LRRTM3: variants seen among roughly 807,000 people sequenced by gnomAD.
The protein encoded by LRRTM3 is leucine rich repeat transmembrane neuronal 3.
LRRTM3 carries 24 observed loss-of-function variants against 44.7 expected under a neutral mutation model. The ratio of observed to expected loss-of-function variants is 0.54; its 90% CI spans 0.39 to 0.76. The LOEUF is 0.76. Among genes scored for constraint, LRRTM3 ranks in the 30% least tolerant of loss-of-function variants. LRRTM3 has a pLI of 0.00. For synonymous variants in LRRTM3, 277 were observed against 278.7 expected (o/e 0.99, Z 0.06); for missense variants, 587 against 702.2 (o/e 0.84, Z 1.85).
chr10:66,971,980 C>A (rs777047427), intron 2 of LRRTM3, among the ~76,000 whole-genome samples: 63 of 151,376 alleles, frequency 4.2e-4, no homozygotes, highest in Admixed American at 5.9e-4. Context: ...ATTAAATTTT[C>A]TTTAATTAAC....
chr10:67,097,627 A>G lies in LRRTM3; in HGVS notation c.1577A>G (p.Asp526Gly). The G allele has an allele frequency of 1.2e-6, 2 of 1,612,534 alleles. No individual in the cohort carries two copies. The highest frequency in any genetic ancestry group is 1.7e-6 in the Non-Finnish European group (2 of 1,178,940). ...SMNVSTFLAYDQPTISYCGVH... is the reference protein window; with the variant it reads ...SMNVSTFLAYGQPTISYCGVH... ...AATGTGTCAACCTTTCTGGCATACG[A>G]CCAGCCCACAATAAGTTACTGTGGG... Residue 526 changes from aspartate to glycine, a missense_variant, in exon 3 of 3, where the codon GAC (aspartate) becomes GGC (glycine). Physicochemically the swap from Asp to Gly is moderately conservative, Grantham distance 94. Coordinates refer to ENST00000361320, the MANE Select transcript of LRRTM3 (RefSeq NM_178011.5).
Position 66,926,075 on chromosome 10 carries a change from T to G in LRRTM3, c.-509T>G. On this transcript the variant is annotated 5_prime_UTR_variant, in exon 1 of 3. Transcript: ENST00000361320. Reference sequence around the variant, plus strand: ...CTTTCAGAATGACAGTCTGCAGAAGTGAGCTGAGCGTGTGCGCGGTACGGG... The same window carrying G: ...CTTTCAGAATGACAGTCTGCAGAAGGGAGCTGAGCGTGTGCGCGGTACGGG... 1 of 457,494 alleles carries G rather than the reference T, an allele frequency of 2.2e-6. No individual in the cohort carries two copies. The highest frequency in any genetic ancestry group is 4.4e-6 in the Non-Finnish European group (1 of 227,596). 28.3% of individuals were successfully genotyped at this position (457,494 alleles called of 1,614,324 possible). A position where few individuals can be genotyped will look rare whatever the true frequency, so the allele number is the denominator to read the frequency against.
chr10:66,941,026 A>T (rs1489144333), intron 2 of LRRTM3, among the ~76,000 whole-genome samples: 2 of 152,246 alleles, frequency 1.3e-5, no homozygotes, highest in Non-Finnish European at 2.9e-5. Flanking sequence ...TTAATAAAAA[A>T]AAGAAAGCCC....
intron 2 of LRRTM3, among the ~76,000 whole-genome samples, chr10:66,965,189 T>C (rs1007822323): frequency 3.9e-5 from 6 of 152,134 alleles, no homozygotes; most frequent in African/African-American, 1.4e-4. Flanking sequence ...ATTTAGGTAC[T>C]AGTCTCCTCC....
At chr10:67,095,503 C>T (rs1857934275) in intron 2 of LRRTM3, among the ~76,000 whole-genome samples, 2 of 151,732 alleles carry the variant, frequency 1.3e-5, no homozygotes, top group African/African-American at 4.8e-5. Context: ...CAAATTAGGA[C>T]TTGCACTCTG....
chr10:66,953,769 G>C (rs1406963582), intron 2 of LRRTM3, among the ~76,000 whole-genome samples: 1 of 152,040 alleles, frequency 6.6e-6, no homozygotes, highest in Non-Finnish European at 1.5e-5. Flanking sequence ...GATAATATTA[G>C]ATGATATAAG....
At chr10:67,074,330 GC>G (rs903304760) in intron 2 of LRRTM3, among the ~76,000 whole-genome samples, 1 of 131,662 alleles carries the variant, frequency 7.6e-6, no homozygotes, top group Non-Finnish European at 1.6e-5. Flanking sequence ...GTGCCCAGCT[GC>G]CACTTTAACT....
At chr10:66,933,460 T>C (rs1439247852) in intron 2 of LRRTM3, among the ~76,000 whole-genome samples, 1 of 152,224 alleles carries the variant, frequency 6.6e-6, no homozygotes, top group African/African-American at 2.4e-5. Context: ...CTTTCTAGTA[T>C]CATTGTGTTC....
intron 2 of LRRTM3, among the ~76,000 whole-genome samples, chr10:67,051,527 T>C (rs973359054): frequency 1.3e-5 from 2 of 151,080 alleles, no homozygotes; most frequent in African/African-American, 4.9e-5. Context: ...TGGTGCAATC[T>C]CGGCTCACTG....
At chr10:67,063,634 C>G (rs2133228110) in intron 2 of LRRTM3, among the ~76,000 whole-genome samples, 1 of 152,322 alleles carries the variant, frequency 6.6e-6, no homozygotes, top group East Asian at 1.9e-4. Flanking sequence ...CATGGCTTTA[C>G]CCACTGACCA....
chr10:67,036,258 T>A (rs889031626), intron 2 of LRRTM3, among the ~76,000 whole-genome samples: 2 of 151,768 alleles, frequency 1.3e-5, no homozygotes, highest in Non-Finnish European at 2.9e-5. Context: ...GCTCAAGAGA[T>A]CCTCCACCAC....
chr10:66,976,311 G>C (rs889123667), intron 2 of LRRTM3, among the ~76,000 whole-genome samples: 1 of 152,122 alleles, frequency 6.6e-6, no homozygotes, highest in African/African-American at 2.4e-5. Context: ...GGATATTTCA[G>C]CTGAGACCTG....
chr10:66,992,396 TTCC>T (rs138175522), intron 2 of LRRTM3, among the ~76,000 whole-genome samples: 2 of 151,920 alleles, frequency 1.3e-5, no homozygotes, highest in Non-Finnish European at 1.5e-5. Context: ...CCTATTATTC[TTCC>T]TCCTCCTCCT....
intron 2 of LRRTM3, among the ~76,000 whole-genome samples, chr10:67,028,394 G>C (rs1419281548): frequency 6.6e-6 from 1 of 151,774 alleles, no homozygotes; most frequent in Non-Finnish European, 1.5e-5. Context: ...ATGACTTCCA[G>C]TATTTAACAT....
rs74141801 is a variant in LRRTM3, at chr10:67,101,024, T to C, written c.*3228T>C. Among the ~76,000 whole-genome samples the C allele has an allele frequency of 2.6e-4, 39 of 151,880 alleles. No individual in the cohort carries two copies. The highest frequency in any genetic ancestry group is 9.2e-4 in the African/African-American group (38 of 41,526). On this transcript the variant is annotated 3_prime_UTR_variant, in exon 3 of 3. Transcript: ENST00000361320. ...CTATTTTAATTCAATTCTCCATCTG[T>C]AAAATATTAGCTAACTGAATTATTT...
At chr10:66,976,376 A>G (rs867089043) in intron 2 of LRRTM3, among the ~76,000 whole-genome samples, 7 of 152,114 alleles carry the variant, frequency 4.6e-5, no homozygotes, top group African/African-American at 1.4e-4. Flanking sequence ...CAGACAAAGA[A>G]AAACATGTCA....
intron 2 of LRRTM3, among the ~76,000 whole-genome samples, chr10:67,021,960 G>A (rs1030500209): frequency 6.6e-6 from 1 of 152,126 alleles, no homozygotes; most frequent in African/African-American, 2.4e-5. Flanking sequence ...AAACTAAAAA[G>A]GTTTATTCAT....
intron 2 of LRRTM3, among the ~76,000 whole-genome samples, chr10:67,083,849 A>G (rs1857171405): frequency 6.6e-6 from 1 of 152,198 alleles, no homozygotes; most frequent in African/African-American, 2.4e-5. Context: ...AAAGCTACAC[A>G]TATTTTATTA....
intron 2 of LRRTM3, among the ~76,000 whole-genome samples, chr10:67,064,515 T>TTA (rs1295963789): frequency 6.6e-6 from 1 of 152,224 alleles, no homozygotes; most frequent in African/African-American, 2.4e-5. Context: ...AGACACTGAA[T>TTA]TATTAGTCAG....
Sources: allele counts gnomAD v4.1 joint callset (sites outside exome capture counted in the v4.1 genomes callset), GRCh38; gene constraint gnomAD v4.1.1; transcripts MANE v1.5; gene names NCBI Gene and HGNC (gene_info 2026-07-23, HGNC 2026-07-21).